SIK2: variants seen among roughly 807,000 people sequenced by gnomAD.
SIK2 encodes serine/threonine-protein kinase SIK2.
SIK2 carries 29 observed loss-of-function variants against 103.2 expected under a neutral mutation model. That is an observed-to-expected ratio of 0.28 (90% CI 0.21 to 0.38). SIK2 has a LOEUF of 0.38. Among genes scored for constraint, SIK2 ranks in the 10% least tolerant of loss-of-function variants. The pLI is 1.00. For synonymous variants in SIK2, 412 were observed against 446.1 expected, an observed-to-expected ratio of 0.92 and a Z score of 0.96; for missense variants, 879 against 1,171.0, an observed-to-expected ratio of 0.75 and a Z score of 3.64.
Position 111,658,740 on chromosome 11 carries a change from C to CA in SIK2, c.317-29251dup, listed in dbSNP as rs112214279. Among the ~76,000 whole-genome samples the CA allele has an allele frequency of 2.1e-3, 287 of 139,550 alleles. 4 individuals carry two copies. Among genetic ancestry groups the CA allele is most frequent in the East Asian group, 0.013 (64 of 4,848 alleles). The allele number at this position is 139,550 out of a possible 152,430, so 91.6% of individuals were successfully genotyped here. A position where few individuals can be genotyped will look rare whatever the true frequency, so the allele number is the denominator to read the frequency against. On this transcript the variant is annotated intron_variant, in intron 3 of 14. Coordinates refer to ENST00000304987, the MANE Select transcript of SIK2 (RefSeq NM_015191.3). ...TGGGTGACAGAGTGAGGCCTTGTCA[C>CA]AAAAAAAAAAGAAGAAGAAGAAGAA...
At chr11:111,697,835 A>G (rs1943113821) in intron 4 of SIK2, among the ~76,000 whole-genome samples, 1 of 152,022 alleles carries the variant, frequency 6.6e-6, no homozygotes, top group African/African-American at 2.4e-5. Flanking sequence ...TACCCAAAAA[A>G]AGGAAAAGAA....
chr11:111,670,749 G>A (rs531465939), intron 3 of SIK2, among the ~76,000 whole-genome samples: 1 of 152,192 alleles, frequency 6.6e-6, no homozygotes, highest in African/African-American at 2.4e-5. Flanking sequence ...CTTTATTTTG[G>A]AAAAAAATAA....
At position 111,724,267 on chromosome 11, in the gene SIK2, A is replaced by G. The variant is rs557191726; in HGVS notation, c.*138A>G. On this transcript the variant is annotated 3_prime_UTR_variant, in exon 15 of 15. Coordinates refer to ENST00000304987, the MANE Select transcript of SIK2 (RefSeq NM_015191.3). ...AATCGAGCCACCCAACTGGAATCAG[A>G]GGGTCTGGCTGGGGTGGATGTTGCT... 35 of 1,263,436 alleles carry G rather than the reference A, an allele frequency of 2.8e-5. No individual in the cohort carries two copies. The African/African-American group carries it at 5.0e-4, about 18-fold the overall frequency. 78.3% of individuals were successfully genotyped at this position (1,263,436 alleles called of 1,614,324 possible).
At chr11:111,622,459 T>C (rs901007304) in intron 3 of SIK2, among the ~76,000 whole-genome samples, 6 of 151,938 alleles carry the variant, frequency 3.9e-5, no homozygotes, top group Non-Finnish European at 7.4e-5. Flanking sequence ...TTTCACCGTG[T>C]TAGCCAGGAT....
chr11:111,710,328 G>A (rs2135943638), intron 8 of SIK2, among the ~76,000 whole-genome samples: 1 of 152,276 alleles, frequency 6.6e-6, no homozygotes, highest in East Asian at 1.9e-4. Flanking sequence ...ATGGTATGCA[G>A]TTGTTTACTT....
chr11:111,665,127 G>A (rs1942518290), intron 3 of SIK2, among the ~76,000 whole-genome samples: 1 of 152,122 alleles, frequency 6.6e-6, no homozygotes, highest in Non-Finnish European at 1.5e-5. Flanking sequence ...GTAGGATTTG[G>A]TGATGTACCA....
chr11:111,670,765 C>A (rs1942614240), intron 3 of SIK2, among the ~76,000 whole-genome samples: 1 of 152,108 alleles, frequency 6.6e-6, no homozygotes, highest in African/African-American at 2.4e-5. Flanking sequence ...AATAATTGAA[C>A]TGGTTTTTAG....
intron 1 of SIK2, among the ~76,000 whole-genome samples, chr11:111,610,311 G>A (rs1332478838): frequency 3.3e-5 from 5 of 152,014 alleles, no homozygotes; most frequent in Non-Finnish European, 2.9e-5. Flanking sequence ...CCAACATGGT[G>A]AAACCCCATC....
chr11:111,603,571 T>C (rs1377612666), intron 1 of SIK2, among the ~76,000 whole-genome samples: 1 of 152,086 alleles, frequency 6.6e-6, no homozygotes, highest in African/African-American at 2.4e-5. Flanking sequence ...CCGCACATAC[T>C]CTCTCACAAG....
intron 1 of SIK2, among the ~76,000 whole-genome samples, chr11:111,610,894 T>G (rs113799857): frequency 1.6e-4 from 24 of 152,196 alleles, no homozygotes; most frequent in African/African-American, 5.5e-4. Flanking sequence ...CTTTTTCTAC[T>G]CATACCTTAT....
At chr11:111,706,532 G>T (rs925908447) in intron 8 of SIK2, among the ~76,000 whole-genome samples, 1 of 152,112 alleles carries the variant, frequency 6.6e-6, no homozygotes, top group Non-Finnish European at 1.5e-5. Context: ...TATTTCTTTG[G>T]CAGTTTTACA....
At chr11:111,695,167 A>G (rs1214701571) in intron 4 of SIK2, among the ~76,000 whole-genome samples, 1 of 152,210 alleles carries the variant, frequency 6.6e-6, no homozygotes, top group African/African-American at 2.4e-5. Context: ...CTCCTATTAT[A>G]ATTACAAAGG....
intron 3 of SIK2, among the ~76,000 whole-genome samples, chr11:111,633,138 A>G (rs543209425): frequency 6.6e-6 from 1 of 152,308 alleles, no homozygotes; most frequent in African/African-American, 2.4e-5. Context: ...GGAGCCCTAA[A>G]GCCCTTTGCT....
chr11:111,669,560 C>T (rs956236243), intron 3 of SIK2, among the ~76,000 whole-genome samples: 3 of 151,072 alleles, frequency 2.0e-5, no homozygotes, highest in African/African-American at 7.3e-5. Flanking sequence ...ATGAGACACC[C>T]CCCCTCCCGC....
intron 3 of SIK2, among the ~76,000 whole-genome samples, chr11:111,628,407 C>T (rs1346070632): frequency 8.2e-5 from 5 of 60,876 alleles, no homozygotes; most frequent in Non-Finnish European, 2.0e-4. Flanking sequence ...TAGAGGCAAC[C>T]GCTTTCATAT....
At chr11:111,668,605 C>T (rs1269516011) in intron 3 of SIK2, among the ~76,000 whole-genome samples, 1 of 152,168 alleles carries the variant, frequency 6.6e-6, no homozygotes, top group Non-Finnish European at 1.5e-5. Context: ...AGTTTCCGAT[C>T]ATATGGGAGC....
chr11:111,648,105 AAAAG>A (rs1942281090), intron 3 of SIK2, among the ~76,000 whole-genome samples: 1 of 152,122 alleles, frequency 6.6e-6, no homozygotes, highest in African/African-American at 2.4e-5. Flanking sequence ...TGCAGTCAAA[AAAAG>A]AAAAAATAAA....
intron 7 of SIK2, among the ~76,000 whole-genome samples, chr11:111,703,700 GT>G (rs1179716515): frequency 2.0e-5 from 3 of 152,192 alleles, no homozygotes; most frequent in African/African-American, 7.2e-5. Flanking sequence ...AAGGTAGAAA[GT>G]TTCTTCCAAG....
chr11:111,623,787 G>A (rs1466757535), intron 3 of SIK2, among the ~76,000 whole-genome samples: 1 of 152,192 alleles, frequency 6.6e-6, no homozygotes, highest in East Asian at 1.9e-4. Context: ...ACTCTCCTGA[G>A]TGCTCAAGGG....
Sources: gnomAD v4.1 joint callset for allele counts (sites outside exome capture counted in the v4.1 genomes callset) on GRCh38, gnomAD v4.1.1 for gene constraint, MANE v1.5 for transcripts, NCBI Gene and HGNC (gene_info 2026-07-23, HGNC 2026-07-21) for gene names.